The following CSMD1 variants were observed in gnomAD, a reference collection of about 807,000 sequenced individuals.
The protein encoded by CSMD1 is CUB and sushi domain-containing protein 1.
Under a neutral mutation model 417.5 loss-of-function variants are expected in CSMD1, and 213 were observed. The ratio of observed to expected loss-of-function variants is 0.51; its 90% CI spans 0.46 to 0.57. The LOEUF (loss-of-function observed/expected upper bound fraction) is 0.57, where lower values mean the gene tolerates loss of function less well. Ranked by LOEUF, CSMD1 falls within the 20% of genes least tolerant of loss-of-function variation. The pLI is 0.00. For missense variants in CSMD1, 6,923 were observed against 4,529.7 expected, an observed-to-expected ratio of 1.53 and a Z score of -15.17; for synonymous variants, 2,862 against 1,736.8, an observed-to-expected ratio of 1.65 and a Z score of -16.11.
chr8:4,295,436 AT>A (rs896982327), intron 3 of CSMD1, among the ~76,000 whole-genome samples: 61 of 144,412 alleles, frequency 4.2e-4, no homozygotes, highest in African/African-American at 1.4e-3. Flanking sequence ...ATCTTAAGAT[AT>A]ATATAATCTT....
At chr8:4,356,814 G>C (rs1801458745) in intron 3 of CSMD1, among the ~76,000 whole-genome samples, 1 of 152,160 alleles carries the variant, frequency 6.6e-6, no homozygotes. Flanking sequence ...TGACCGACTT[G>C]ACAATGGCGC....
chr8:3,911,201 G>T (rs1326598256), intron 5 of CSMD1, among the ~76,000 whole-genome samples: 1 of 152,168 alleles, frequency 6.6e-6, no homozygotes, highest in Non-Finnish European at 1.5e-5. Flanking sequence ...CTGGGGACTA[G>T]ATGTCAGCAT....
chr8:3,655,272 T>C (rs1026743462), intron 7 of CSMD1, among the ~76,000 whole-genome samples: 7 of 152,164 alleles, frequency 4.6e-5, no homozygotes, highest in Non-Finnish European at 1.0e-4. Context: ...TTAAGACCCA[T>C]GAACATGAAG....
intron 7 of CSMD1, among the ~76,000 whole-genome samples, chr8:3,669,201 A>T (rs1798857890): frequency 6.6e-6 from 1 of 152,262 alleles, no homozygotes; most frequent in South Asian, 2.1e-4. Context: ...TTGAAAGGCT[A>T]GGAGCATAAA....
intron 3 of CSMD1, among the ~76,000 whole-genome samples, chr8:4,225,184 C>G (rs564739410): frequency 3.3e-5 from 5 of 152,274 alleles, no homozygotes; most frequent in South Asian, 2.1e-4. Flanking sequence ...TTTCAGGACA[C>G]ATGGCAACTC....
intron 1 of CSMD1, among the ~76,000 whole-genome samples, chr8:4,818,558 C>T (rs966255307): frequency 6.6e-6 from 1 of 152,178 alleles, no homozygotes; most frequent in Non-Finnish European, 1.5e-5. Flanking sequence ...GAGACACACA[C>T]ACATGTGCAC....
intron 3 of CSMD1, among the ~76,000 whole-genome samples, chr8:4,080,656 A>T (rs779784014): frequency 2.0e-5 from 3 of 152,216 alleles, no homozygotes; most frequent in Non-Finnish European, 4.4e-5. Flanking sequence ...GCACGACAAG[A>T]CAAAAGTAAC....
At chr8:4,153,166 G>C (rs905769534) in intron 3 of CSMD1, among the ~76,000 whole-genome samples, 1 of 152,162 alleles carries the variant, frequency 6.6e-6, no homozygotes. Flanking sequence ...GACCATGCCA[G>C]GAATAAGATA....
intron 6 of CSMD1, among the ~76,000 whole-genome samples, chr8:3,710,157 G>C (rs5003045): frequency 0.33 from 50,033 of 151,766 alleles, 8,392 homozygotes; most frequent in East Asian, 0.49. Flanking sequence ...GGCTATAAGA[G>C]TTGTCTGCAA....
chr8:3,847,487 T>C (rs1207091281), intron 5 of CSMD1, among the ~76,000 whole-genome samples: 1 of 152,084 alleles, frequency 6.6e-6, no homozygotes, highest in Non-Finnish European at 1.5e-5. Flanking sequence ...GGAGCTGAGT[T>C]CCGCCAACAT....
intron 3 of CSMD1, among the ~76,000 whole-genome samples, chr8:4,161,356 A>G (rs943969367): frequency 6.6e-6 from 1 of 152,248 alleles, no homozygotes; most frequent in Non-Finnish European, 1.5e-5. Context: ...CTTTGACTGT[A>G]AAAATGCAGG....
chr8:3,635,730 G>A lies in CSMD1; in HGVS notation c.1010-18933C>T, dbSNP rs538755738. Among the ~76,000 whole-genome samples the A allele has an allele frequency of 1.1e-3, 147 of 139,418 alleles. 1 individual carries two copies. The highest frequency in any genetic ancestry group is 3.5e-3 in the African/African-American group (126 of 36,188). The allele number at this position is 139,418 out of a possible 152,430, so 91.5% of individuals were successfully genotyped here. A position where few individuals can be genotyped will look rare whatever the true frequency, so the allele number is the denominator to read the frequency against. ...AATCTCCTGACCTCGTGATCTGCCC[G>A]CCTCGGCCTCCCGAAGTGCTGGGAT... On this transcript the variant is annotated intron_variant, in intron 7 of 69. Coordinates refer to ENST00000635120, the MANE Select transcript of CSMD1 (RefSeq NM_033225.6).
At chr8:4,899,802 A>G (rs2117038297) in intron 1 of CSMD1, among the ~76,000 whole-genome samples, 1 of 152,266 alleles carries the variant, frequency 6.6e-6, no homozygotes, top group Non-Finnish European at 1.5e-5. Context: ...AGCACAGAAT[A>G]TAGAGGGCCT....
chr8:3,489,108 T>C (rs2055338), intron 11 of CSMD1, among the ~76,000 whole-genome samples: 62,340 of 151,986 alleles, frequency 0.41, 13,757 homozygotes, highest in African/African-American at 0.59. Flanking sequence ...TAATGGCTCT[T>C]CAGCAGTCTT....
intron 1 of CSMD1, among the ~76,000 whole-genome samples, chr8:4,726,175 G>C (rs563493607): frequency 2.6e-4 from 39 of 152,136 alleles, no homozygotes; most frequent in African/African-American, 8.7e-4. Context: ...ACCTACAGTT[G>C]GTTGTATTAC....
chr8:4,982,589 G>T (rs1316886556), intron 1 of CSMD1, among the ~76,000 whole-genome samples: 1 of 152,036 alleles, frequency 6.6e-6, no homozygotes, highest in African/African-American at 2.4e-5. Flanking sequence ...TTTCTCATAG[G>T]TTCTATTCTT....
chr8:4,972,941 T>C (rs1810330410), intron 1 of CSMD1, among the ~76,000 whole-genome samples: 1 of 152,114 alleles, frequency 6.6e-6, no homozygotes. Flanking sequence ...AAGTTAACTC[T>C]CCAGCATAGC....
At chr8:4,160,241 C>T (rs370739164) in intron 3 of CSMD1, among the ~76,000 whole-genome samples, 22 of 152,164 alleles carry the variant, frequency 1.4e-4, no homozygotes, top group East Asian at 1.2e-3. Flanking sequence ...TAAAGTCTAA[C>T]TTTATCATAA....
chr8:4,841,763 T>C (rs1800846542), intron 1 of CSMD1, among the ~76,000 whole-genome samples: 1 of 151,214 alleles, frequency 6.6e-6, no homozygotes, highest in Non-Finnish European at 1.5e-5. Flanking sequence ...ATACAAAAAT[T>C]AGCTGGGCGT....
Sources: gnomAD v4.1 joint callset for allele counts (sites outside exome capture counted in the v4.1 genomes callset) on GRCh38, gnomAD v4.1.1 for gene constraint, MANE v1.5 for transcripts, NCBI Gene and HGNC (gene_info 2026-07-23, HGNC 2026-07-21) for gene names.